The following GPHN variants were observed in gnomAD, a reference collection of about 807,000 sequenced individuals.
GPHN encodes gephyrin.
In GPHN, 17 loss-of-function variants were observed where a neutral mutation model predicts 95.5. That is an observed-to-expected ratio of 0.18 (90% CI 0.12 to 0.27). The LOEUF (loss-of-function observed/expected upper bound fraction) is 0.27. Ranked by LOEUF, GPHN falls within the 10% of genes least tolerant of loss-of-function variation. The pLI, the probability that GPHN is intolerant of heterozygous loss-of-function variation, is 1.00. For missense variants in GPHN, 660 were observed against 978.1 expected, an observed-to-expected ratio of 0.67 and a Z score of 4.34; for synonymous variants, 320 against 322.5, an observed-to-expected ratio of 0.99 and a Z score of 0.08.
At chr14:67,066,634 C>G (rs966069043) in intron 11 of GPHN, among the ~76,000 whole-genome samples, 5 of 152,074 alleles carry the variant, frequency 3.3e-5, no homozygotes, top group Non-Finnish European at 5.9e-5. Context: ...TTTCTTTTTA[C>G]TCTTTTTTTT....
chr14:66,832,375 A>T (rs913914949), intron 4 of GPHN, among the ~76,000 whole-genome samples: 2 of 152,166 alleles, frequency 1.3e-5, no homozygotes, highest in Non-Finnish European at 2.9e-5. Flanking sequence ...ACTACCTGTT[A>T]TCTCTAATTA....
chr14:67,225,139 C>G, the GPHN span: 1 of 1,583,822 alleles, frequency 6.3e-7, no homozygotes, highest in Non-Finnish European at 8.6e-7. Context: ...CATATCAAAT[C>G]TCCTTCTAAT....
chr14:66,906,416 C>G (rs1323731887), intron 5 of GPHN, among the ~76,000 whole-genome samples: 2 of 152,186 alleles, frequency 1.3e-5, no homozygotes, highest in African/African-American at 4.8e-5. Context: ...TCACCTTGAT[C>G]TCACTTTTTC....
chr14:66,846,287 A>G (rs1017596848), intron 4 of GPHN, among the ~76,000 whole-genome samples: 3 of 152,124 alleles, frequency 2.0e-5, no homozygotes, highest in Non-Finnish European at 2.9e-5. Flanking sequence ...GTACCATTCT[A>G]TATGTGTGAG....
chr14:67,558,283 T>G, the GPHN span, among the ~76,000 whole-genome samples: 2 of 152,148 alleles, frequency 1.3e-5, no homozygotes. Context: ...ACTTTTAATT[T>G]CCTACACATG....
chr14:67,148,858 G>C (rs983566420), intron 18 of GPHN, among the ~76,000 whole-genome samples: 3 of 151,474 alleles, frequency 2.0e-5, no homozygotes, highest in Admixed American at 2.0e-4. Context: ...GAGCCACCGC[G>C]CCCGGCCAGT....
At chr14:67,656,529 T>C in the GPHN span, 2 of 1,613,970 alleles carry the variant, frequency 1.2e-6, no homozygotes, top group Non-Finnish European at 1.7e-6. Context: ...ATACTTTGGG[T>C]GGCCCGGTTC....
At chr14:67,113,752 A>G (rs2078514340) in intron 16 of GPHN, among the ~76,000 whole-genome samples, 1 of 152,202 alleles carries the variant, frequency 6.6e-6, no homozygotes, top group Non-Finnish European at 1.5e-5. Context: ...CTGATTTAGA[A>G]AAGAGAATTT....
At chr14:66,619,488 GTT>G (rs56979886) in intron 1 of GPHN, among the ~76,000 whole-genome samples, 4 of 143,524 alleles carry the variant, frequency 2.8e-5, no homozygotes, top group African/African-American at 5.0e-5. Context: ...ATATTCTCAG[GTT>G]TTTTTTTTTT....
intron 18 of GPHN, among the ~76,000 whole-genome samples, chr14:67,155,846 T>C (rs1278387155): frequency 6.6e-6 from 1 of 151,896 alleles, no homozygotes; most frequent in African/African-American, 2.4e-5. Flanking sequence ...TACTGAAAAC[T>C]AAAGACGGAG....
At chr14:67,272,794 G>A in the GPHN span, among the ~76,000 whole-genome samples, 1 of 152,110 alleles carries the variant, frequency 6.6e-6, no homozygotes, top group Admixed American at 6.5e-5. Context: ...GAGTAGCTGG[G>A]ACTACAGGCA....
At chr14:67,397,658 T>A in the GPHN span, 5 of 1,608,248 alleles carry the variant, frequency 3.1e-6, no homozygotes, top group Non-Finnish European at 4.2e-6. Context: ...GGGCCATCAC[T>A]TACCGGTCGG....
At chr14:66,845,733 T>C (rs2062295313) in intron 4 of GPHN, among the ~76,000 whole-genome samples, 1 of 152,138 alleles carries the variant, frequency 6.6e-6, no homozygotes, top group Admixed American at 6.6e-5. Context: ...TAGACATTTT[T>C]CTAAAAAGAT....
At chr14:66,663,271 A>C (rs530518181) in intron 1 of GPHN, among the ~76,000 whole-genome samples, 1 of 152,350 alleles carries the variant, frequency 6.6e-6, no homozygotes, top group South Asian at 2.1e-4. Flanking sequence ...GACTAACAGC[A>C]GACCTCTCAG....
chr14:67,582,124 G>T, the GPHN span: 1 of 1,613,560 alleles, frequency 6.2e-7, no homozygotes, highest in Non-Finnish European at 8.5e-7. This position sits in a 1 kb window ranked among gnomAD's most constrained non-coding sequence, Gnocchi z 5.0. Flanking sequence ...GCTGCTCCTT[G>T]CCTCTCAAAC....
At chr14:66,660,593 C>G (rs930067962) in intron 1 of GPHN, among the ~76,000 whole-genome samples, 1 of 151,786 alleles carries the variant, frequency 6.6e-6, no homozygotes, top group Non-Finnish European at 1.5e-5. Context: ...GATGTGGGTT[C>G]ACAGTTCTTT....
intron 8 of GPHN, among the ~76,000 whole-genome samples, chr14:66,956,705 G>A (rs1410622669): frequency 3.3e-5 from 5 of 151,980 alleles, no homozygotes; most frequent in Non-Finnish European, 7.4e-5. Flanking sequence ...GTCTGTTCAT[G>A]ACCTTTGCCC....
At chr14:67,473,445 G>C in the GPHN span, 1 of 1,614,094 alleles carries the variant, frequency 6.2e-7, no homozygotes, top group Non-Finnish European at 8.5e-7. This position sits in a 1 kb window ranked among gnomAD's most constrained non-coding sequence, Gnocchi z 6.5. Flanking sequence ...ATGGCCGTTG[G>C]CCAGGGCTAG....
chr14:67,026,681 C>T (rs373738573), intron 10 of GPHN, among the ~76,000 whole-genome samples: 1 of 152,132 alleles, frequency 6.6e-6, no homozygotes. Flanking sequence ...GTCCCGCTGT[C>T]GCCCAGGTTG....
Sources: gnomAD v4.1 joint callset for allele counts (sites outside exome capture counted in the v4.1 genomes callset) on GRCh38, gnomAD v4.1.1 for gene constraint, Gnocchi (gnomAD v3.1) non-coding constraint, MANE v1.5 for transcripts, NCBI Gene and HGNC (gene_info 2026-07-23, HGNC 2026-07-21) for gene names.